The following IAPP variants were observed in gnomAD, a reference collection of about 807,000 sequenced individuals.
IAPP encodes the protein islet amyloid polypeptide.
IAPP carries 4 observed loss-of-function variants against 2.9 expected under a neutral mutation model. The observed-to-expected ratio is 1.39, with a 90% CI of 0.69 to 3.19. The LOEUF is 3.19. IAPP is among the 30% of genes most tolerant of loss of function. The pLI is 0.01. For missense variants in IAPP, 114 were observed against 105.3 expected, an observed-to-expected ratio of 1.08 and a Z score of -0.36; for synonymous variants, 40 against 42.1, an observed-to-expected ratio of 0.95 and a Z score of 0.19.
intron 1 of IAPP, among the ~76,000 whole-genome samples, chr12:21,357,436 G>A (rs1591876200): frequency 6.6e-6 from 1 of 152,196 alleles, no homozygotes; most frequent in Admixed American, 6.5e-5. Context: ...CAACCCTGCT[G>A]ACACCTAATC....
At chr12:21,364,522 A>AACAG in intron 1 of IAPP, among the ~76,000 whole-genome samples, 1 of 152,344 alleles carries the variant, frequency 6.6e-6, no homozygotes, top group South Asian at 2.1e-4. Context: ...ACTCCTATTC[A>AACAG]ACATAGTGTT....
At chr12:21,358,880 G>A (rs954790668) in intron 1 of IAPP, among the ~76,000 whole-genome samples, 40 of 152,104 alleles carry the variant, frequency 2.6e-4, no homozygotes, top group African/African-American at 9.4e-4. Context: ...ATTTAACCAT[G>A]GCAATATTAA....
intron 2 of IAPP, chr12:21,376,298 A>G (rs1389312698): frequency 5.9e-6 from 2 of 336,598 alleles, no homozygotes; most frequent in East Asian, 9.4e-5. Flanking sequence ...TTGACCCATA[A>G]TTTTCCTTTA....
intron 2 of IAPP, among the ~76,000 whole-genome samples, chr12:21,377,760 C>A (rs1940307625): frequency 6.6e-6 from 1 of 152,188 alleles, no homozygotes; most frequent in Non-Finnish European, 1.5e-5. Context: ...TCTTGCATAA[C>A]ACTCCTGATT....
Position 21,373,373 on chromosome 12 carries a change from G to A in IAPP, c.22G>A (p.Val8Ile). ...AGCAATGGGCATCCTGAAGCTGCAA[G>A]TATTTCTCATTGTGCTCTCTGTTGC... MGILKLQ[V>I]FLIVLSVALN... is the part of the protein sequence containing the mutation. Residue 8 changes from valine to isoleucine, a missense_variant, in exon 2 of 3, where the codon GTA becomes ATA. Val to Ile is a conservative substitution (Grantham distance 29). Coordinates refer to ENST00000240652, the MANE Select transcript of IAPP (RefSeq NM_000415.3). The A allele has an allele frequency of 2.5e-6, 4 of 1,613,408 alleles. No individual in the cohort carries two copies. Among genetic ancestry groups the A allele is most frequent in the Middle Eastern group, 3.3e-4 (2 of 6,058 alleles).
At chr12:21,360,915 A>T (rs1938809025) in intron 1 of IAPP, among the ~76,000 whole-genome samples, 1 of 152,180 alleles carries the variant, frequency 6.6e-6, no homozygotes, top group South Asian at 2.1e-4. Flanking sequence ...AGCCCACCGC[A>T]GCTCAAGGAG....
chr12:21,362,933 C>G (rs557508113), intron 1 of IAPP, among the ~76,000 whole-genome samples: 1 of 152,264 alleles, frequency 6.6e-6, no homozygotes, highest in East Asian at 1.9e-4. Flanking sequence ...TAGACTCCCA[C>G]ACAATAATAA....
intron 1 of IAPP, 117 bp downstream of exon 1, chr12:21,373,121 T>C (rs1939919363): frequency 1.8e-6 from 1 of 566,214 alleles, no homozygotes; most frequent in South Asian, 2.1e-5. Flanking sequence ...ACAATATAAA[T>C]GTTCAGATTG....
rs535748065 is a variant in IAPP at position 21,357,105 on chromosome 12, C to CT, written c.-16+2095dup. Among the ~76,000 whole-genome samples, 955 of 152,144 alleles carry CT rather than the reference C, an allele frequency of 6.3e-3. 10 individuals are homozygous for CT. The highest frequency in any genetic ancestry group is 9.2e-3 in the Non-Finnish European group (626 of 67,972). ...AAACACTATAGAATGTCCAGAAAAC[C>CT]TTTATGGGTTGAACTGTGTCCCTGC... On this transcript the variant is annotated intron_variant, in intron 1 of 2. Coordinates refer to the IAPP transcript ENST00000539393.
At chr12:21,356,094 C>A (rs1249268863) in intron 1 of IAPP, among the ~76,000 whole-genome samples, 2 of 152,014 alleles carry the variant, frequency 1.3e-5, no homozygotes, top group Non-Finnish European at 2.9e-5. Context: ...ATTCAAGAAT[C>A]AGAATAAATT....
intron 1 of IAPP, among the ~76,000 whole-genome samples, chr12:21,355,546 G>C (rs1335635280): frequency 6.6e-6 from 1 of 152,156 alleles, no homozygotes; most frequent in Non-Finnish European, 1.5e-5. Flanking sequence ...CAAGGTTAGG[G>C]AGCTGATGTG....
chr12:21,366,821 C>T (rs12810446), intron 1 of IAPP, among the ~76,000 whole-genome samples: 48,973 of 151,374 alleles, frequency 0.32, 8,216 homozygotes, highest in East Asian at 0.46. Context: ...GATTAGGAAA[C>T]TTCATAGAAG....
intron 2 of IAPP, among the ~76,000 whole-genome samples, chr12:21,375,834 T>C (rs1018547906): frequency 1.5e-4 from 23 of 152,238 alleles, no homozygotes; most frequent in Admixed American, 6.5e-4. Flanking sequence ...CATGTGTGTA[T>C]GTGCCTGTAA....
At chr12:21,370,167 T>C (rs908707883), upstream of IAPP, among the ~76,000 whole-genome samples, 2 of 152,186 alleles carry the variant, frequency 1.3e-5, no homozygotes, top group African/African-American at 4.8e-5. Flanking sequence ...CTCTGTAACC[T>C]TAAGCAAGTC....
intron 1 of IAPP, among the ~76,000 whole-genome samples, chr12:21,367,258 G>A (rs1025088079): frequency 6.6e-6 from 1 of 152,148 alleles, no homozygotes; most frequent in African/African-American, 2.4e-5. Context: ...AGTCTTTCAT[G>A]TGTCCATTCT....
chr12:21,378,173 C>T lies in IAPP; in HGVS notation c.81-64C>T. On this transcript the variant is annotated intron_variant, in intron 2 of 2. Transcript: ENST00000240652. ...TTCATCAATACAAGATATTTGATGT[C>T]ACATGGCTGGATCCAGCTAAAATTC... The T allele has an allele frequency of 2.8e-6, 4 of 1,424,674 alleles. No homozygotes were observed. The East Asian group carries it at 9.1e-5, about 32-fold the overall frequency. The allele number at this position is 1,424,674 out of a possible 1,614,324, so 88.3% of individuals were successfully genotyped here. A position where few individuals can be genotyped will look rare whatever the true frequency, so the allele number is the denominator to read the frequency against.
At chr12:21,355,061 C>T (rs1938255343) in intron 1 of IAPP, 1 of 152,092 alleles carries the variant, frequency 6.6e-6, no homozygotes, top group African/African-American at 2.4e-5. Flanking sequence ...CACTAAATCA[C>T]TACTATAAAA....
At chr12:21,361,143 G>C (rs964719040) in intron 1 of IAPP, among the ~76,000 whole-genome samples, 1 of 146,900 alleles carries the variant, frequency 6.8e-6, no homozygotes, top group African/African-American at 2.6e-5. Flanking sequence ...CCCAGTAGGG[G>C]CCGACAGACA....
At chr12:21,361,696 T>G (rs944928079) in intron 1 of IAPP, among the ~76,000 whole-genome samples, 2 of 152,088 alleles carry the variant, frequency 1.3e-5, no homozygotes, top group African/African-American at 4.8e-5. Flanking sequence ...AGAGAAGTCC[T>G]TAAATGACCT....
Sources: allele counts gnomAD v4.1 joint callset (sites outside exome capture counted in the v4.1 genomes callset), GRCh38; gene constraint gnomAD v4.1.1; transcripts MANE v1.5; gene names NCBI Gene and HGNC (gene_info 2026-07-23, HGNC 2026-07-21).